SORCS1: variants seen among roughly 807,000 people sequenced by gnomAD.
The protein encoded by SORCS1 is VPS10 domain-containing receptor SorCS1.
A neutral mutation model predicts 146.1 loss-of-function variants in SORCS1; 60 were observed. That is an observed-to-expected ratio of 0.41 (90% CI 0.33 to 0.51). The LOEUF (loss-of-function observed/expected upper bound fraction) is 0.51. Ranked by LOEUF, SORCS1 falls within the 20% of genes least tolerant of loss-of-function variation. SORCS1 has a pLI of 0.21. For missense variants in SORCS1, 1,352 were observed against 1,487.6 expected (o/e 0.91, Z 1.50); for synonymous variants, 637 against 584.0 (o/e 1.09, Z -1.31).
chr10:106,733,086 C>T lies in SORCS1; in HGVS notation c.960-2972G>A, dbSNP rs186910865. On this transcript the variant is annotated intron_variant, in intron 5 of 25. Coordinates refer to ENST00000263054, the MANE Select transcript of SORCS1 (RefSeq NM_052918.5). ...TCACACTGCTGTACTCTAGCATGGG[C>T]GACAAAGTGATACTCCATTTCAAAA... is the stretch of plus-strand genomic sequence containing the variant. 4.6e-3 allele frequency among the ~76,000 whole-genome samples: 553 copies of T among 121,204 alleles called. 9 individuals are homozygous for T. The highest frequency in any genetic ancestry group is 0.017 in the African/African-American group (529 of 30,976). The allele number at this position is 121,204 out of a possible 152,430, so 79.5% of individuals were successfully genotyped here.
At chr10:106,734,244 T>A (rs1856799163) in intron 5 of SORCS1, among the ~76,000 whole-genome samples, 5 of 151,658 alleles carry the variant, frequency 3.3e-5, no homozygotes, top group Admixed American at 3.3e-4. Flanking sequence ...GGAAAGGGAG[T>A]CTTTCTGTGT....
Position 106,761,619 on chromosome 10 carries a change from G to C in SORCS1, c.928C>G (p.Gln310Glu), listed in dbSNP as rs371286552. The change falls in exon 5 of 26, where the codon CAA (glutamine) becomes GAA (glutamate). Residue 310 changes from glutamine to glutamate, a missense_variant. This residue lies in a region of SORCS1 where 490 missense variants were observed against 489.1 expected (regional missense o/e 1.00). Transcript: ENST00000263054. Reference sequence around the variant, plus strand: ...AACCTGTTTGGTACAACCCCTTCTTGGATAAGCTGCCATCTTCTCCCAAAT... The same window carrying C: ...AACCTGTTTGGTACAACCCCTTCTTCGATAAGCTGCCATCTTCTCCCAAAT... ...AEFGRRWQLI[Q>E]EGVVPNRFYW... The C allele has an allele frequency of 8.7e-6, 14 of 1,613,970 alleles. No individual in the cohort carries two copies. The highest frequency in any genetic ancestry group is 1.2e-5 in the Non-Finnish European group (14 of 1,179,998).
At chr10:106,581,401 A>G (rs1396357453) in intron 24 of SORCS1, among the ~76,000 whole-genome samples, 1 of 151,946 alleles carries the variant, frequency 6.6e-6, no homozygotes, top group Non-Finnish European at 1.5e-5. Context: ...AGTAAAAGAC[A>G]TATTTCTGAG....
intron 24 of SORCS1, among the ~76,000 whole-genome samples, chr10:106,590,082 G>C (rs1343493229): frequency 3.3e-5 from 5 of 151,716 alleles, no homozygotes; most frequent in Admixed American, 6.6e-5. Flanking sequence ...AATATTTGAG[G>C]GTATATATCT....
chr10:106,836,405 C>T (rs1460070047), intron 2 of SORCS1, among the ~76,000 whole-genome samples: 1 of 142,368 alleles, frequency 7.0e-6, no homozygotes, highest in East Asian at 2.2e-4. Context: ...ACCCAGGAGG[C>T]GGAGCTTTGC....
Position 107,164,345 on chromosome 10 carries a change from C to A in SORCS1, c.182G>T (p.Arg61Leu), listed in dbSNP as rs1969946815. The part of the protein sequence containing the change: ...STPRGFSHQG[R>L]PGRAPATPLP... ...GGGCGTGGCAGGAGCCCTGCCTGGC[C>A]GCCCCTGGTGGGAAAAGCCCCTAGG... Residue 61 changes from arginine (R) to leucine (L), a missense_variant, in exon 1 of 26, where the codon CGG (arginine) becomes CTG (leucine). Physicochemically the swap from Arg to Leu is moderately radical, Grantham distance 102. Coordinates refer to ENST00000263054, the MANE Select transcript of SORCS1 (RefSeq NM_052918.5). This position sits in a 1 kb window ranked among gnomAD's most constrained non-coding sequence, Gnocchi z 6.8. The A allele has an allele frequency of 1.3e-6, 2 of 1,530,646 alleles. No homozygotes were observed. The highest frequency in any genetic ancestry group is 1.4e-5 in the African/African-American group (1 of 72,936). 94.8% of individuals were successfully genotyped at this position (1,530,646 alleles called of 1,614,324 possible). A position where few individuals can be genotyped will look rare whatever the true frequency, so the allele number is the denominator to read the frequency against.
chr10:106,638,284 T>C (rs757433975), intron 18 of SORCS1, among the ~76,000 whole-genome samples: 3 of 152,270 alleles, frequency 2.0e-5, no homozygotes, highest in South Asian at 4.1e-4. Flanking sequence ...AACAAAACTA[T>C]ATATACTTTA....
Position 106,966,115 on chromosome 10 carries a change from C to G in SORCS1, c.559-9535G>C, listed in dbSNP as rs143858038. Among the ~76,000 whole-genome samples the G allele has an allele frequency of 3.4e-3, 521 of 152,290 alleles. 1 individual carries two copies. Among genetic ancestry groups the G allele is most frequent in the Non-Finnish European group, 5.9e-3 (400 of 68,030 alleles). Reference sequence around the variant, plus strand: ...TGCACATGCAGCTAACTGCAGATTTCCACAGATGGTTTTACAGTATCATCA... The same window carrying G: ...TGCACATGCAGCTAACTGCAGATTTGCACAGATGGTTTTACAGTATCATCA... On this transcript the variant is annotated intron_variant, in intron 1 of 25. Transcript: ENST00000263054.
chr10:106,844,203 C>T (rs897424468), intron 2 of SORCS1, among the ~76,000 whole-genome samples: 19 of 152,086 alleles, frequency 1.2e-4, no homozygotes, highest in Admixed American at 9.8e-4. Flanking sequence ...AATGCCTATT[C>T]GTGTTCTTTG....
intron 1 of SORCS1, among the ~76,000 whole-genome samples, chr10:107,109,502 G>A (rs1440267636): frequency 6.6e-6 from 1 of 152,214 alleles, no homozygotes; most frequent in Admixed American, 6.5e-5. Flanking sequence ...GAGGGGCTGG[G>A]ATGTGGGGAG....
intron 20 of SORCS1, among the ~76,000 whole-genome samples, 161 bp from the exon 21 acceptor site, chr10:106,618,433 C>T (rs998351093): frequency 1.9e-4 from 29 of 152,074 alleles, no homozygotes; most frequent in Non-Finnish European, 1.5e-4. Flanking sequence ...CATCTCAAGC[C>T]CAAAGCAGAA....
intron 1 of SORCS1, among the ~76,000 whole-genome samples, chr10:107,071,143 G>C (rs910726776): frequency 6.6e-6 from 1 of 152,110 alleles, no homozygotes; most frequent in African/African-American, 2.4e-5. Context: ...CCAAAAGAGG[G>C]AGCATGGACC....
intron 2 of SORCS1, among the ~76,000 whole-genome samples, chr10:106,881,076 C>CAG (rs754443294): frequency 1.4e-5 from 1 of 69,168 alleles, no homozygotes; most frequent in East Asian, 4.0e-4. Context: ...GACTCTGTCT[C>CAG]AAAAAAAAAA....
chr10:106,723,660 T>C (rs531619580), intron 6 of SORCS1, among the ~76,000 whole-genome samples: 16 of 152,332 alleles, frequency 1.1e-4, no homozygotes, highest in African/African-American at 3.8e-4. Context: ...ATCTACATAT[T>C]AGAGGATAGT....
At chr10:107,078,935 G>A (rs944082449) in intron 1 of SORCS1, among the ~76,000 whole-genome samples, 5 of 152,266 alleles carry the variant, frequency 3.3e-5, no homozygotes, top group Admixed American at 1.3e-4. Context: ...TAAAAATGGT[G>A]TTGAGATCGG....
At chr10:107,150,260 T>C (rs1454599980) in intron 1 of SORCS1, among the ~76,000 whole-genome samples, 1 of 152,220 alleles carries the variant, frequency 6.6e-6, no homozygotes, top group African/African-American at 2.4e-5. Flanking sequence ...ATGCCCATGC[T>C]AAAAATTCAG....
intron 18 of SORCS1, among the ~76,000 whole-genome samples, chr10:106,641,359 T>C (rs903947224): frequency 6.6e-5 from 10 of 152,360 alleles, no homozygotes; most frequent in African/African-American, 2.2e-4. Context: ...TACTACTGTA[T>C]GTAAAATTGC....
rs528738273 is a variant in SORCS1, at chr10:106,841,723, T to C, written c.627-12050A>G. Among the ~76,000 whole-genome samples, 4 of 152,348 alleles carry C rather than the reference T, an allele frequency of 2.6e-5. No homozygotes were observed. The East Asian group carries it at 7.7e-4, about 29-fold the overall frequency. ...GATTGGCTTCTTTCACTTAGTGATA[T>C]ACATCTCAGCTTCCTGCATGCCTTT... On this transcript the variant is annotated intron_variant, in intron 2 of 25. Transcript: ENST00000263054.
At chr10:106,713,333 A>C (rs1855130038) in intron 6 of SORCS1, among the ~76,000 whole-genome samples, 1 of 152,222 alleles carries the variant, frequency 6.6e-6, no homozygotes, top group South Asian at 2.1e-4. Context: ...TGACCTTCAA[A>C]TTACAAATAC....
Sources: allele counts gnomAD v4.1 joint callset (sites outside exome capture counted in the v4.1 genomes callset), GRCh38; gene constraint gnomAD v4.1.1; regional missense constraint gnomAD v4.1.1; non-coding constraint Gnocchi (gnomAD v3.1); transcripts MANE v1.5; gene names NCBI Gene and HGNC (gene_info 2026-07-23, HGNC 2026-07-21).